TNRC18: variants seen among roughly 807,000 people sequenced by gnomAD.
TNRC18 encodes trinucleotide repeat containing 18, also known as trinucleotide repeat-containing gene 18 protein.
Under a neutral mutation model 226.7 loss-of-function variants are expected in TNRC18, and 69 were observed. The ratio of observed to expected loss-of-function variants is 0.30; its 90% confidence interval spans 0.25 to 0.37. The LOEUF (loss-of-function observed/expected upper bound fraction) is 0.37, where lower values mean the gene tolerates loss of function less well. Among genes scored for constraint, TNRC18 ranks in the 10% least tolerant of loss-of-function variants. The pLI, the probability that TNRC18 is intolerant of heterozygous loss-of-function variation, is 1.00. For missense variants in TNRC18, 4,754 were observed against 4,256.6 expected, an observed-to-expected ratio of 1.12 and a Z score of -3.25; for synonymous variants, 2,449 against 1,927.6, an observed-to-expected ratio of 1.27 and a Z score of -7.09.
At chr7:5,352,354 G>A (rs1791920558) in intron 16 of TNRC18, among the ~76,000 whole-genome samples, 1 of 151,238 alleles carries the variant, frequency 6.6e-6, no homozygotes, top group African/African-American at 2.5e-5. Context: ...TAGACTGGAT[G>A]CTGCCAGCCT....
chr7:5,399,050 T>C (rs971099375), intron 2 of TNRC18, among the ~76,000 whole-genome samples: 2 of 152,146 alleles, frequency 1.3e-5, no homozygotes, highest in African/African-American at 2.4e-5. Flanking sequence ...GCACAGCCCA[T>C]GCCAGGCCAT....
chr7:5,357,828 G>A (rs549386488), intron 15 of TNRC18, among the ~76,000 whole-genome samples: 1 of 152,246 alleles, frequency 6.6e-6, no homozygotes, highest in East Asian at 1.9e-4. Flanking sequence ...TTGTGTCTGG[G>A]TATCGCAAGG....
rs1779988180 is a variant in TNRC18 at position 5,388,433 on chromosome 7, T to A, written c.1391A>T (p.Glu464Val). ...CGGGTCCGCCTCGGGCTTGAGCAGCTCCTTGGCAGGCACGTAGGCGCGGGG... is the reference window on the plus strand; with the variant it reads ...CGGGTCCGCCTCGGGCTTGAGCAGCACCTTGGCAGGCACGTAGGCGCGGGG... ...PDPRAYVPAK[E>V]LLKPEADPRP... is the part of the protein sequence containing the mutation. Residue 464 changes from glutamate to valine, a missense_variant, in exon 5 of 30, where the codon GAG becomes GTG. By Grantham distance (121) the Glu-to-Val change is moderately radical. Transcript: ENST00000430969. 1.4e-6 allele frequency: 2 copies of A among 1,469,446 alleles called. No homozygotes were observed. Among genetic ancestry groups the A allele is most frequent in the Non-Finnish European group, 1.8e-6 (2 of 1,122,392 alleles). 91.0% of individuals were successfully genotyped at this position (1,469,446 alleles called of 1,614,324 possible).
intron 18 of TNRC18, among the ~76,000 whole-genome samples, chr7:5,335,299 C>A (rs71529396): frequency 8.2e-5 from 1 of 12,182 alleles, no homozygotes; most frequent in African/African-American, 1.7e-4. Context: ...GAGAATCTGT[C>A]TCAAAAAAAA....
Position 5,325,160 on chromosome 7 carries a change from G to A in TNRC18, c.6236C>T (p.Ala2079Val), listed in dbSNP as rs529066971. The change falls in exon 20 of 30, where the codon GCC (alanine) becomes GTC (valine). Residue 2079 changes from alanine to valine, a missense_variant. Transcript: ENST00000430969. ...CCTTTTGGCAGCGGTCAGGGAGCTG[G>A]CGTGAGGAGCCCTGGCCTCAGAGGG... is the stretch of plus-strand genomic sequence containing the variant. ...ALPSEARAPH[A>V]SSLTAAKRSK... The A allele has an allele frequency of 2.6e-5, 40 of 1,552,264 alleles. No homozygotes were observed. The highest frequency in any genetic ancestry group is 9.8e-5 in the Admixed American group (5 of 51,114).
Position 5,342,153 on chromosome 7 carries a change from G to A in TNRC18, c.5719+3409C>T, listed in dbSNP as rs983111649. On this transcript the variant is annotated intron_variant, in intron 18 of 29. Coordinates refer to ENST00000430969, the MANE Select transcript of TNRC18 (RefSeq NM_001080495.3). ...GAAAGAATTCACTATTCTAGGCCGGGTGCAGTGGCTCACGCCTGTAACCCC... is the reference window on the plus strand; with the variant it reads ...GAAAGAATTCACTATTCTAGGCCGGATGCAGTGGCTCACGCCTGTAACCCC... Among the ~76,000 whole-genome samples, 17 of 152,304 alleles carry A rather than the reference G, an allele frequency of 1.1e-4. No individual in the cohort carries two copies. In the East Asian group the frequency reaches 3.3e-3, roughly 29 times the overall value.
In TNRC18 at chr7:5,377,633, G is replaced by A; in HGVS notation, c.2256-57C>T. 6.6e-7 allele frequency: 1 copy of A among 1,508,068 alleles called. No individual in the cohort carries two copies. Among genetic ancestry groups the A allele is most frequent in the South Asian group, 1.2e-5 (1 of 81,334 alleles). The allele number at this position is 1,508,068 out of a possible 1,614,324, so 93.4% of individuals were successfully genotyped here. A position where few individuals can be genotyped will look rare whatever the true frequency, so the allele number is the denominator to read the frequency against. On this transcript the variant is annotated intron_variant, in intron 6 of 29. Transcript: ENST00000430969. The surrounding 1 kb of genome is among the most constrained non-coding windows in gnomAD (Gnocchi z 5.8). ...CTCGGACAGCCCAGGGGACGAGAGG[G>A]AGAAGCGGGGTTGCCCCAAGGAACT...
intron 21 of TNRC18, among the ~76,000 whole-genome samples, chr7:5,323,805 T>G (rs1205133779): frequency 3.9e-5 from 6 of 152,050 alleles, no homozygotes; most frequent in Non-Finnish European, 8.8e-5. Context: ...TGACCTCAGG[T>G]GATCTGCCCA....
In TNRC18 at chr7:5,332,822, C is replaced by T. The variant is rs1264813460; in HGVS notation, c.5947G>A (p.Glu1983Lys). The change falls in exon 19 of 30, where the codon GAG becomes AAG. Residue 1983 changes from glutamate (E) to lysine (K), a missense_variant. Coordinates refer to ENST00000430969, the MANE Select transcript of TNRC18 (RefSeq NM_001080495.3). Reference sequence around the variant, plus strand: ...TCGTCGCTGGCCTCGGGCCCCGCCTCGAAGCCAGGCTCCTTGGGGCCCCGC... The same window carrying T: ...TCGTCGCTGGCCTCGGGCCCCGCCTTGAAGCCAGGCTCCTTGGGGCCCCGC... ...KLRGPKEPGFEAGPEASDDDL... is the reference protein window; with the variant it reads ...KLRGPKEPGFKAGPEASDDDL... 1 of 1,507,856 alleles carries T rather than the reference C, an allele frequency of 6.6e-7. No homozygotes were observed. The allele number at this position is 1,507,856 out of a possible 1,614,324, so 93.4% of individuals were successfully genotyped here.
chr7:5,400,804 C>A (rs1055339476), intron 2 of TNRC18, among the ~76,000 whole-genome samples: 2 of 152,048 alleles, frequency 1.3e-5, no homozygotes, highest in Non-Finnish European at 2.9e-5. Context: ...TACCAGAGGT[C>A]AAGGTGGGCA....
rs762788090 is a variant in TNRC18 at position 5,371,269 on chromosome 7, C to T, written c.3325G>A (p.Gly1109Ser). The T allele has an allele frequency of 4.4e-6, 7 of 1,592,354 alleles. No homozygotes were observed. The highest frequency in any genetic ancestry group is 1.3e-5 in the African/African-American group (1 of 74,528). The change falls in exon 11 of 30, where the codon GGC becomes AGC. Residue 1109 changes from glycine to serine, a missense_variant. Coordinates refer to ENST00000430969, the MANE Select transcript of TNRC18 (RefSeq NM_001080495.3). Reference sequence around the variant, plus strand: ...GGGAGCGGCACATCAGGGGCCAAGCCGTCCGCGTCGGCGGCGGCCGTGGGC... The same window carrying T: ...GGGAGCGGCACATCAGGGGCCAAGCTGTCCGCGTCGGCGGCGGCCGTGGGC... ...LQPTAAADAD[G>S]LAPDVPLPAD...
At chr7:5,317,692 A>G (rs1337084425) in intron 24 of TNRC18, among the ~76,000 whole-genome samples, 1 of 144,472 alleles carries the variant, frequency 6.9e-6, no homozygotes, top group African/African-American at 2.6e-5. Flanking sequence ...TATTCAGAGA[A>G]TAAGAAAGAA....
chr7:5,384,306 G>A (rs908130600), intron 5 of TNRC18, among the ~76,000 whole-genome samples: 2 of 151,936 alleles, frequency 1.3e-5, no homozygotes, highest in African/African-American at 2.4e-5. Flanking sequence ...TTGCTAGGTC[G>A]CCCAGGCTGG....
intron 18 of TNRC18, among the ~76,000 whole-genome samples, chr7:5,334,253 G>C (rs570296135): frequency 6.6e-6 from 1 of 152,258 alleles, no homozygotes; most frequent in Non-Finnish European, 1.5e-5. Flanking sequence ...GGGCTGCCCA[G>C]TGGGAAAAAG....
At chr7:5,414,231 A>AC (rs1425045805) in intron 2 of TNRC18, among the ~76,000 whole-genome samples, 1 of 151,266 alleles carries the variant, frequency 6.6e-6, no homozygotes, top group Non-Finnish European at 1.5e-5. Flanking sequence ...ACAGGCATGA[A>AC]CCCCGTGCCC....
intron 19 of TNRC18, among the ~76,000 whole-genome samples, chr7:5,331,240 T>A (rs1789490503): frequency 6.6e-6 from 1 of 152,120 alleles, no homozygotes; most frequent in Non-Finnish European, 1.5e-5. Context: ...TTTGACAGAA[T>A]ACCGTCAAAA....
In TNRC18 at chr7:5,370,494, G is replaced by C; in HGVS notation, c.4100C>G (p.Ala1367Gly). The C allele has an allele frequency of 3.8e-6, 6 of 1,592,376 alleles. No individual in the cohort carries two copies. The highest frequency in any genetic ancestry group is 5.1e-6 in the Non-Finnish European group (6 of 1,169,640). The change falls in exon 11 of 30, where the codon GCC (alanine) becomes GGC (glycine). Residue 1367 changes from alanine (A) to glycine (G), a missense_variant. Coordinates refer to ENST00000430969, the MANE Select transcript of TNRC18 (RefSeq NM_001080495.3). ...LPSPGAAGAQ[A>G]LEKLEAAESL... ...CTCGGCTGCTTCCAGCTTCTCCAAG[G>C]CCTGGGCTCCAGCAGCACCCGGGGA...
At position 5,313,028 on chromosome 7, in the gene TNRC18, G is replaced by GGAGGAGGAT. The variant is rs1554268395; in HGVS notation, c.7862_7863insATCCTCCTC (p.Ser2669_Ser2671dup). Reference sequence around the variant, plus strand: ...ATGAGGAGGAGGAGGAGGAGGAGGAGGAGGATGAGGAGGAGGAGGAGGAGG... The same window carrying GGAGGAGGAT: ...ATGAGGAGGAGGAGGAGGAGGAGGAGGAGGAGGATGAGGATGAGGAGGAGGAGGAGGAGG... On this transcript the variant is annotated inframe_insertion, in exon 27 of 30. Transcript: ENST00000430969. 469 of 872,152 alleles carry GGAGGAGGAT rather than the reference G, an allele frequency of 5.4e-4. No homozygotes were observed. The highest frequency in any genetic ancestry group is 7.5e-4 in the Non-Finnish European group (411 of 549,494). 54.0% of individuals were successfully genotyped at this position (872,152 alleles called of 1,614,324 possible).
chr7:5,371,514 C>G, intron 10 of TNRC18, 150 bp from the exon 11 acceptor site: 3 of 1,043,424 alleles, frequency 2.9e-6, no homozygotes, highest in Non-Finnish European at 3.9e-6. Flanking sequence ...TAGGTGGGAT[C>G]TCAGAAACCC....
Sources: gnomAD v4.1 joint callset for allele counts (sites outside exome capture counted in the v4.1 genomes callset) on GRCh38, gnomAD v4.1.1 for gene constraint, Gnocchi (gnomAD v3.1) non-coding constraint, MANE v1.5 for transcripts, NCBI Gene and HGNC (gene_info 2026-07-23, HGNC 2026-07-21) for gene names.